Variants in LRGUK observed in about 807,000 individuals in gnomAD.
LRGUK encodes the protein leucine-rich repeat and guanylate kinase domain-containing protein.
LRGUK carries 65 observed loss-of-function variants against 76.0 expected under a neutral mutation model. The observed-to-expected ratio is 0.85, with a 90% confidence interval of 0.70 to 1.05. The LOEUF (loss-of-function observed/expected upper bound fraction) is 1.05, where lower values mean the gene tolerates loss of function less well. Among genes scored for constraint, LRGUK ranks in the 50% least tolerant of loss-of-function variants. The pLI is 0.00. For missense variants in LRGUK, 758 were observed against 732.8 expected, an observed-to-expected ratio of 1.03 and a Z score of -0.40; for synonymous variants, 268 against 265.6, an observed-to-expected ratio of 1.01 and a Z score of -0.09.
intron 8 of LRGUK, among the ~76,000 whole-genome samples, chr7:134,176,274 G>C (rs1799475924): frequency 6.6e-6 from 1 of 152,162 alleles, no homozygotes; most frequent in African/African-American, 2.4e-5. Flanking sequence ...TGCATGCGGG[G>C]CTTAATACCT....
chr7:134,162,326 G>A lies in LRGUK; in HGVS notation c.796-1071G>A, dbSNP rs893434941. Among the ~76,000 whole-genome samples, 14 of 152,238 alleles carry A rather than the reference G, an allele frequency of 9.2e-5. 1 individual carries two copies. The highest frequency in any genetic ancestry group is 6.5e-4 in the Admixed American group (10 of 15,294). Reference sequence around the variant, plus strand: ...TTTTCTCTCTATTTAGTGTCAGGGTGTCTCCCCATGTGACATTTCCTTTTC... The same window carrying A: ...TTTTCTCTCTATTTAGTGTCAGGGTATCTCCCCATGTGACATTTCCTTTTC... On this transcript the variant is annotated intron_variant, in intron 6 of 15. Coordinates refer to ENST00000645682, the Ensembl canonical transcript of LRGUK.
chr7:134,154,369 T>C (rs1798372736), intron 5 of LRGUK, among the ~76,000 whole-genome samples: 1 of 152,170 alleles, frequency 6.6e-6, no homozygotes, highest in Non-Finnish European at 1.5e-5. Context: ...GTGAAGGTCC[T>C]TAAGAGAATG....
intron 16 of LRGUK, among the ~76,000 whole-genome samples, chr7:134,239,781 T>G (rs1802095905): frequency 6.6e-6 from 1 of 152,174 alleles, no homozygotes; most frequent in Non-Finnish European, 1.5e-5. Flanking sequence ...CCGAGTAGCC[T>G]AACTGGGAGG....
At chr7:134,167,828 G>T (rs755177364) in intron 7 of LRGUK, among the ~76,000 whole-genome samples, 3 of 152,028 alleles carry the variant, frequency 2.0e-5, no homozygotes, top group Non-Finnish European at 4.4e-5. Context: ...ATGAAAAAAG[G>T]CCTCTGACCC....
At chr7:134,198,334 T>A (rs898881665) in intron 13 of LRGUK, among the ~76,000 whole-genome samples, 2 of 152,216 alleles carry the variant, frequency 1.3e-5, no homozygotes, top group Non-Finnish European at 2.9e-5. Context: ...ACTGTTTTTC[T>A]CCCTGGGAGT....
rs117060962 is a variant in LRGUK, at chr7:134,192,968, A to G, written c.1431+1217A>G. Among the ~76,000 whole-genome samples, 287 of 152,214 alleles carry G rather than the reference A, an allele frequency of 1.9e-3. 1 individual carries two copies. The highest frequency in any genetic ancestry group is 2.5e-3 in the Non-Finnish European group (171 of 68,010). On this transcript the variant is annotated intron_variant, in intron 12 of 15. Coordinates refer to ENST00000645682, the Ensembl canonical transcript of LRGUK. ...TTCCTTCCTCTGTTCCCACCCCCCAAATAATGGACCTGGCTTATTCTTCAT... is the reference window on the plus strand; with the variant it reads ...TTCCTTCCTCTGTTCCCACCCCCCAGATAATGGACCTGGCTTATTCTTCAT...
chr7:134,138,937 C>T (rs1213090498), intron 2 of LRGUK, among the ~76,000 whole-genome samples: 1 of 152,136 alleles, frequency 6.6e-6, no homozygotes, highest in Non-Finnish European at 1.5e-5. Flanking sequence ...CTACAGATTT[C>T]ACAGGTGTGT....
chr7:134,131,538 G>T (rs558487476), intron 1 of LRGUK, among the ~76,000 whole-genome samples: 1 of 152,150 alleles, frequency 6.6e-6, no homozygotes, highest in Non-Finnish European at 1.5e-5. Flanking sequence ...TTTTCCTACC[G>T]ATGAGTTACA....
chr7:134,247,941 C>T (rs1802349222), intron 17 of LRGUK, among the ~76,000 whole-genome samples: 1 of 152,180 alleles, frequency 6.6e-6, no homozygotes, highest in South Asian at 2.1e-4. Flanking sequence ...CTTTAACTAT[C>T]GTCTATCCTT....
Position 134,235,277 on chromosome 7 carries a change from C to A in LRGUK, c.1984-12279C>A, listed in dbSNP as rs568883950. Among the ~76,000 whole-genome samples the A allele has an allele frequency of 1.4e-4, 21 of 152,274 alleles. 3 individuals carry two copies. In the South Asian group the frequency reaches 4.4e-3, roughly 32 times the overall value. ...TCATTCCTACTACTCCTCTTCCTAC[C>A]TCAGCTCCACTGACACTGGCAAGTG... is the stretch of plus-strand genomic sequence containing the variant. On this transcript the variant is annotated intron_variant, in intron 16 of 19. Transcript: ENST00000285928.
the LRGUK span, among the ~76,000 whole-genome samples, chr7:134,275,098 C>T: frequency 6.6e-6 from 1 of 151,984 alleles, no homozygotes; most frequent in Non-Finnish European, 1.5e-5. Flanking sequence ...TTTTTCTCTA[C>T]TCTGATGTAT....
chr7:134,276,009 GTA>G, the LRGUK span, among the ~76,000 whole-genome samples: 1 of 152,146 alleles, frequency 6.6e-6, no homozygotes, highest in Non-Finnish European at 1.5e-5. Context: ...CCATTCCACA[GTA>G]TCAAGACTCA....
intron 1 of LRGUK, among the ~76,000 whole-genome samples, chr7:134,135,063 A>C (rs1797468522): frequency 6.6e-6 from 1 of 152,196 alleles, no homozygotes; most frequent in African/African-American, 2.4e-5. Flanking sequence ...TACATGTATT[A>C]ATTTTGAATA....
intron 6 of LRGUK, among the ~76,000 whole-genome samples, chr7:134,158,451 C>T (rs182083694): frequency 6.6e-6 from 1 of 152,138 alleles, no homozygotes; most frequent in East Asian, 1.9e-4. Context: ...GAAAGGTATA[C>T]TTTTAGTATG....
exon 17 of LRGUK, chr7:134,247,590 C>A: frequency 6.2e-7 from 1 of 1,613,714 alleles, no homozygotes; most frequent in Non-Finnish European, 8.5e-7. Flanking sequence ...CACGAGGCAG[C>A]CCGGCAAGCT....
At chr7:134,190,714 C>A (rs1418641936) in intron 11 of LRGUK, among the ~76,000 whole-genome samples, 1 of 152,144 alleles carries the variant, frequency 6.6e-6, no homozygotes, top group Non-Finnish European at 1.5e-5. Flanking sequence ...CAGCTGTTAT[C>A]CACTTCTCCT....
chr7:134,187,541 T>TA (rs1800029154), intron 11 of LRGUK, among the ~76,000 whole-genome samples: 1 of 152,196 alleles, frequency 6.6e-6, no homozygotes, highest in Admixed American at 6.5e-5. Flanking sequence ...ACATAACAAA[T>TA]ATTGGTGCGG....
chr7:134,247,442 T>A (rs1802332232), intron 16 of LRGUK, 114 bp from the exon 17 acceptor site: 2 of 660,974 alleles, frequency 3.0e-6, no homozygotes, highest in Non-Finnish European at 4.9e-6. Flanking sequence ...CTTTTCCCCC[T>A]TTTTCTTCCC....
At chr7:134,265,165 G>A (rs1407414293), downstream of LRGUK, among the ~76,000 whole-genome samples, 3 of 152,076 alleles carry the variant, frequency 2.0e-5, no homozygotes, top group African/African-American at 7.2e-5. Context: ...TGTATTCCAA[G>A]AATCTTCAAG....
Sources: allele counts gnomAD v4.1 joint callset (sites outside exome capture counted in the v4.1 genomes callset), GRCh38; gene constraint gnomAD v4.1.1; transcripts MANE v1.5; gene names NCBI Gene and HGNC (gene_info 2026-07-23, HGNC 2026-07-21).